SND1: variants seen among roughly 807,000 people sequenced by gnomAD.
SND1 encodes the protein staphylococcal nuclease domain-containing protein 1.
Under a neutral mutation model 121.7 loss-of-function variants are expected in SND1, and 38 were observed. That is an observed-to-expected ratio of 0.31 (90% CI 0.24 to 0.41). SND1 has a LOEUF of 0.41. Ranked by LOEUF, SND1 falls within the 10% of genes least tolerant of loss-of-function variation. The probability of loss-of-function intolerance (pLI) is 1.00; values close to 1 mark genes in which losing one functional copy is unlikely to be tolerated. For synonymous variants in SND1, 401 were observed against 447.4 expected, an observed-to-expected ratio of 0.90 and a Z score of 1.31; for missense variants, 868 against 1,184.6, an observed-to-expected ratio of 0.73 and a Z score of 3.92.
At chr7:128,089,713 GC>G (rs773857506) in intron 22 of SND1, 21 bp downstream of exon 22, 1 of 1,609,044 alleles carries the variant, frequency 6.2e-7, no homozygotes, top group Non-Finnish European at 8.5e-7. Context: ...TGGAGAGGCG[GC>G]CCCAGCATTG....
rs1217394639 is a variant in SND1 at position 127,736,723 on chromosome 7, T to C, written c.1152+15323T>C. Among the ~76,000 whole-genome samples, 4 of 152,224 alleles carry C rather than the reference T, an allele frequency of 2.6e-5. No individual in the cohort carries two copies. The East Asian group carries it at 7.7e-4, about 29-fold the overall frequency. ...TGTGTTATTTAGAAGCAGGCTGTGA[T>C]CCAGGCCCTTTGTGTTTTGTTGCCA... On this transcript the variant is annotated intron_variant, in intron 10 of 23. Transcript: ENST00000354725.
rs1483562977 is a variant in SND1 at position 127,756,213 on chromosome 7, C to G, written c.1152+34813C>G. 2.0e-5 allele frequency among the ~76,000 whole-genome samples: 3 copies of G among 152,218 alleles called. No homozygotes were observed. The East Asian group carries it at 5.8e-4, about 29-fold the overall frequency. ...TTGTCAGTTGGGAGAGTGCTAGGGC[C>G]TGTGGGGAGATGGATTCTATTTTCA... On this transcript the variant is annotated intron_variant, in intron 10 of 23. Coordinates refer to ENST00000354725, the MANE Select transcript of SND1 (RefSeq NM_014390.4).
rs565390881 is a variant in SND1 at position 128,052,521 on chromosome 7, T to C, written c.1780-21981T>C. 2.0e-5 allele frequency among the ~76,000 whole-genome samples: 3 copies of C among 152,330 alleles called. No homozygotes were observed. The South Asian group carries it at 6.2e-4, about 32-fold the overall frequency. On this transcript the variant is annotated intron_variant, in intron 16 of 23. Transcript: ENST00000354725. This position sits in a 1 kb window ranked among gnomAD's most constrained non-coding sequence, Gnocchi z 4.6. ...GCATCTGCTGAAAGGGGTGTAGTCA[T>C]CCTGGCCCCAGACAGAGCTGTCTTC...
chr7:128,017,404 A>G (rs1334538919), intron 16 of SND1, among the ~76,000 whole-genome samples: 1 of 152,130 alleles, frequency 6.6e-6, no homozygotes, highest in Non-Finnish European at 1.5e-5. Flanking sequence ...ACTATTAATC[A>G]CCCAGGAAGA....
intron 15 of SND1, among the ~76,000 whole-genome samples, chr7:127,989,378 C>T (rs923480585): frequency 2.0e-5 from 3 of 152,136 alleles, no homozygotes; most frequent in Non-Finnish European, 4.4e-5. Context: ...GAGAAAGCTC[C>T]GTTCTTTATC....
At chr7:127,984,525 C>T (rs1327391477) in intron 15 of SND1, among the ~76,000 whole-genome samples, 7 of 152,180 alleles carry the variant, frequency 4.6e-5, no homozygotes, top group South Asian at 4.1e-4. Context: ...GTTCATCAAC[C>T]ATCTCTTTCT....
At chr7:127,856,830 A>G (rs1187199479) in intron 12 of SND1, among the ~76,000 whole-genome samples, 1 of 152,224 alleles carries the variant, frequency 6.6e-6, no homozygotes, top group Non-Finnish European at 1.5e-5. Context: ...ATTGACTACA[A>G]AATCACCTTT....
intron 1 of SND1, among the ~76,000 whole-genome samples, chr7:127,686,281 G>T (rs1795811413): frequency 6.6e-6 from 1 of 152,200 alleles, no homozygotes. Context: ...TAATTGGAAA[G>T]AATGCAAGGG....
At chr7:127,914,546 A>C (rs996245202) in intron 14 of SND1, among the ~76,000 whole-genome samples, 2 of 152,130 alleles carry the variant, frequency 1.3e-5, no homozygotes, top group Non-Finnish European at 2.9e-5. Context: ...ACTAGTTTCT[A>C]AACTCCTAAG....
At chr7:127,675,115 C>T (rs1276312038) in intron 1 of SND1, among the ~76,000 whole-genome samples, 4 of 152,274 alleles carry the variant, frequency 2.6e-5, no homozygotes, top group East Asian at 1.9e-4. Flanking sequence ...GCATGAGAAT[C>T]GCTTGGGCCT....
chr7:127,958,854 TC>T (rs1448539386), intron 15 of SND1, among the ~76,000 whole-genome samples: 3 of 152,240 alleles, frequency 2.0e-5, no homozygotes, highest in Admixed American at 2.0e-4. Context: ...GACTTCTCTG[TC>T]CCCTGAATTT....
At chr7:127,862,933 A>G (rs1055853322) in intron 12 of SND1, among the ~76,000 whole-genome samples, 6 of 152,182 alleles carry the variant, frequency 3.9e-5, no homozygotes, top group Non-Finnish European at 7.4e-5. Flanking sequence ...ACTATTTCCT[A>G]AAAGATGCTT....
At chr7:127,925,533 A>T (rs1313056046) in intron 14 of SND1, among the ~76,000 whole-genome samples, 1 of 152,152 alleles carries the variant, frequency 6.6e-6, no homozygotes. Context: ...ATTCTGTGTA[A>T]CAAGTCCTGT....
At chr7:127,925,848 G>A (rs747420246) in intron 14 of SND1, among the ~76,000 whole-genome samples, 6 of 151,530 alleles carry the variant, frequency 4.0e-5, no homozygotes, top group South Asian at 2.1e-4. Context: ...TCCTGCCTCC[G>A]CGTCCCAAAG....
intron 17 of SND1, among the ~76,000 whole-genome samples, chr7:128,078,500 C>T (rs1353546788): frequency 6.6e-6 from 1 of 152,252 alleles, no homozygotes; most frequent in Non-Finnish European, 1.5e-5. Context: ...ACCCCACCCA[C>T]CACGAAGTGA....
chr7:127,851,067 C>G (rs987287799), intron 12 of SND1, among the ~76,000 whole-genome samples: 2 of 152,196 alleles, frequency 1.3e-5, no homozygotes, highest in African/African-American at 4.8e-5. Flanking sequence ...GTCTTATTTC[C>G]TTAAAAATGT....
chr7:127,888,107 A>G, intron 13 of SND1, 95 bp downstream of exon 13: 1 of 694,270 alleles, frequency 1.4e-6, no homozygotes, highest in East Asian at 2.9e-5. Context: ...TGTGTTGGAA[A>G]ATAATATGCT....
rs1481275468 is a variant in SND1 at position 128,015,288 on chromosome 7, A to G, written c.1779+24232A>G. Reference sequence around the variant, plus strand: ...CCGCTCTTAGTTCATGTTCTGGCATATTAATCAGGGTGACATGATAAAAAG... The same window carrying G: ...CCGCTCTTAGTTCATGTTCTGGCATGTTAATCAGGGTGACATGATAAAAAG... On this transcript the variant is annotated intron_variant, in intron 16 of 23. Transcript: ENST00000354725. The surrounding 1 kb of genome is among the most constrained non-coding windows in gnomAD (Gnocchi z 4.5). Among the ~76,000 whole-genome samples the G allele has an allele frequency of 6.6e-6, 1 of 152,214 alleles. No homozygotes were observed. The highest frequency in any genetic ancestry group is 1.5e-5 in the Non-Finnish European group (1 of 68,036).
At chr7:127,715,691 C>T (rs572152028) in intron 9 of SND1, among the ~76,000 whole-genome samples, 1 of 152,090 alleles carries the variant, frequency 6.6e-6, no homozygotes, top group East Asian at 1.9e-4. Flanking sequence ...TTGTCAGTTG[C>T]CTTTTACTTT....
Sources: allele counts gnomAD v4.1 joint callset (sites outside exome capture counted in the v4.1 genomes callset), GRCh38; gene constraint gnomAD v4.1.1; non-coding constraint Gnocchi (gnomAD v3.1); transcripts MANE v1.5; gene names NCBI Gene and HGNC (gene_info 2026-07-23, HGNC 2026-07-21).